Variants in NFATC3 observed in about 807,000 individuals in gnomAD.
The protein encoded by NFATC3 is nuclear factor of activated T-cells, cytoplasmic 3.
A neutral mutation model predicts 98.6 loss-of-function variants in NFATC3; 46 were observed. The observed-to-expected ratio is 0.47, with a 90% CI of 0.37 to 0.60. The LOEUF (loss-of-function observed/expected upper bound fraction) is 0.60. Among genes scored for constraint, NFATC3 ranks in the 20% least tolerant of loss-of-function variants. The pLI, the probability that NFATC3 is intolerant of heterozygous loss-of-function variation, is 0.00. For synonymous variants in NFATC3, 512 were observed against 472.2 expected, an observed-to-expected ratio of 1.08 and a Z score of -1.09; for missense variants, 1,256 against 1,295.5, an observed-to-expected ratio of 0.97 and a Z score of 0.47.
chr16:68,166,995 C>G lies in NFATC3; in HGVS notation c.1754C>G (p.Ala585Gly). The G allele has an allele frequency of 6.2e-7, 1 of 1,613,596 alleles. No individual in the cohort carries two copies. The highest frequency in any genetic ancestry group is 2.2e-5 in the East Asian group (1 of 44,868). Residue 585 changes from alanine to glycine, a missense_variant, in exon 5 of 10, where the codon GCC (alanine) becomes GGC (glycine). This residue lies in a region of NFATC3 where 636 missense variants were observed against 617.3 expected (regional missense o/e 1.03). Transcript: ENST00000346183. ...GGAAAAGTCCTTTCTCTGCAGATAGCCTCTATACCCGTTGAGTGCTGTAAG... is the reference window on the plus strand; with the variant it reads ...GGAAAAGTCCTTTCTCTGCAGATAGGCTCTATACCCGTTGAGTGCTGTAAG... ...PSGKVLSLQI[A>G]SIPVECSQRS...
chr16:68,172,861 A>G (rs567368690), intron 5 of NFATC3, among the ~76,000 whole-genome samples: 17 of 152,310 alleles, frequency 1.1e-4, no homozygotes, highest in Middle Eastern at 3.4e-3. Flanking sequence ...TCAAGCAATT[A>G]AAAGAAAGAA....
rs139620339 is a variant in NFATC3, at chr16:68,110,378, G to T, written c.104-11609G>T. ...GGCTGGAGTACAGTGGCCCAATCTCGGCTCACTGTAAGCTCCGCCTCCCGG... is the reference window on the plus strand; with the variant it reads ...GGCTGGAGTACAGTGGCCCAATCTCTGCTCACTGTAAGCTCCGCCTCCCGG... On this transcript the variant is annotated intron_variant, in intron 1 of 9. Coordinates refer to ENST00000346183, the MANE Select transcript of NFATC3 (RefSeq NM_173165.3). Among the ~76,000 whole-genome samples the T allele has an allele frequency of 5.1e-3, 751 of 147,636 alleles. 6 individuals are homozygous for T. Among genetic ancestry groups the T allele is most frequent in the African/African-American group, 0.017 (689 of 39,902 alleles).
At chr16:68,165,938 A>G (rs1235653357) in intron 4 of NFATC3, among the ~76,000 whole-genome samples, 2 of 152,258 alleles carry the variant, frequency 1.3e-5, no homozygotes, top group Non-Finnish European at 2.9e-5. Context: ...TCCTGCCACA[A>G]TAGTGTGTTA....
intron 3 of NFATC3, among the ~76,000 whole-genome samples, chr16:68,154,261 C>T (rs975150108): frequency 6.6e-6 from 1 of 152,128 alleles, no homozygotes; most frequent in African/African-American, 2.4e-5. Context: ...CTCCTGGGTA[C>T]TGAAGCTCAG....
chr16:68,167,076 C>A, intron 5 of NFATC3, 61 bp downstream of exon 5: 1 of 1,531,224 alleles, frequency 6.5e-7, no homozygotes, highest in Admixed American at 1.9e-5. Flanking sequence ...TTCTGTTTTA[C>A]TTATAATGTA....
In NFATC3 at chr16:68,152,726, A is replaced by T. The variant is rs190148684; in HGVS notation, c.1402-5143A>T. Among the ~76,000 whole-genome samples the T allele has an allele frequency of 4.1e-4, 63 of 152,260 alleles. 1 individual carries two copies. Among genetic ancestry groups the T allele is most frequent in the Non-Finnish European group, 1.6e-4 (11 of 68,014 alleles). ...TGTGAACTAGGAGTGGTTTTTATAC[A>T]TTTTTACATGGGTGGAGAAAAAATC... On this transcript the variant is annotated intron_variant, in intron 3 of 9. Coordinates refer to ENST00000346183, the MANE Select transcript of NFATC3 (RefSeq NM_173165.3).
Position 68,183,223 on chromosome 16 carries a change from T to G in NFATC3, c.1972-17T>G. The G allele has an allele frequency of 6.4e-7, 1 of 1,564,084 alleles. No individual in the cohort carries two copies. The highest frequency in any genetic ancestry group is 1.2e-5 in the South Asian group (1 of 81,000). ...TTTTAGTTCTGAGTGTAACACAATC[T>G]TGCTTTCCATCCTTAGGCTCACATT... On this transcript the variant is annotated splice_polypyrimidine_tract_variant and intron_variant, in intron 7 of 9. Transcript: ENST00000346183.
chr16:68,184,401 A>G (rs1307524624), intron 8 of NFATC3, among the ~76,000 whole-genome samples: 1 of 152,246 alleles, frequency 6.6e-6, no homozygotes, highest in Non-Finnish European at 1.5e-5. Context: ...GAGCTTCCAT[A>G]TGATAGCTTT....
intron 9 of NFATC3, among the ~76,000 whole-genome samples, chr16:68,206,755 G>A (rs2151147262): frequency 6.6e-6 from 1 of 152,224 alleles, no homozygotes; most frequent in Admixed American, 6.5e-5. Flanking sequence ...AGCTGAGGTG[G>A]GTGGATTGCC....
chr16:68,162,319 A>G (rs1196924924), intron 4 of NFATC3, among the ~76,000 whole-genome samples: 1 of 152,230 alleles, frequency 6.6e-6, no homozygotes, highest in East Asian at 1.9e-4. Flanking sequence ...GCTAATTGCT[A>G]GGATAAACTA....
chr16:68,142,074 A>G lies in NFATC3; in HGVS notation c.1401+15464A>G, dbSNP rs59749360. 3.4e-3 allele frequency among the ~76,000 whole-genome samples: 510 copies of G among 151,934 alleles called. 5 individuals carry two copies. The highest frequency in any genetic ancestry group is 0.012 in the African/African-American group (479 of 41,476). Reference sequence around the variant, plus strand: ...TATTGAATAGGGTATCCTTTTTTCAATTTATGTTTTTGTATGCTTTGTCAA... The same window carrying G: ...TATTGAATAGGGTATCCTTTTTTCAGTTTATGTTTTTGTATGCTTTGTCAA... On this transcript the variant is annotated intron_variant, in intron 3 of 9. Transcript: ENST00000346183.
chr16:68,209,867 ACT>A (rs200021541), intron 9 of NFATC3: 212 of 283,474 alleles, frequency 7.5e-4, no homozygotes, highest in Non-Finnish European at 1.3e-3. Flanking sequence ...ACACACACAC[ACT>A]CACAGTCACA....
Position 68,181,458 on chromosome 16 carries a change from ACT to A in NFATC3, c.1916-14_1916-13del. The A allele has an allele frequency of 6.2e-7, 1 of 1,601,630 alleles. No individual in the cohort carries two copies. Among genetic ancestry groups the A allele is most frequent in the Non-Finnish European group, 8.5e-7 (1 of 1,169,766 alleles). ...TGATATGAATTGCTTTTAACTATAA[ACT>A]CTTTCTTTCAATAGATGGACGACCT... On this transcript the variant is annotated splice_polypyrimidine_tract_variant and intron_variant, in intron 6 of 9. Coordinates refer to ENST00000346183, the MANE Select transcript of NFATC3 (RefSeq NM_173165.3).
chr16:68,124,380 A>G (rs1022977650), intron 2 of NFATC3, among the ~76,000 whole-genome samples: 12 of 150,962 alleles, frequency 7.9e-5, no homozygotes, highest in Non-Finnish European at 1.5e-4. Flanking sequence ...GCAAAGTGCC[A>G]GGATTACAGG....
At chr16:68,193,136 C>G (rs1463164642) in intron 9 of NFATC3, among the ~76,000 whole-genome samples, 1 of 151,740 alleles carries the variant, frequency 6.6e-6, no homozygotes, top group Non-Finnish European at 1.5e-5. Context: ...TACAACTGTT[C>G]CCATTAGCAT....
At chr16:68,104,430 G>C (rs1008949726) in intron 1 of NFATC3, among the ~76,000 whole-genome samples, 1 of 152,018 alleles carries the variant, frequency 6.6e-6, no homozygotes, top group African/African-American at 2.4e-5. Flanking sequence ...TAGAACTTAT[G>C]GGTTTTACTT....
At chr16:68,139,439 C>T (rs897365862) in intron 3 of NFATC3, among the ~76,000 whole-genome samples, 1 of 152,160 alleles carries the variant, frequency 6.6e-6, no homozygotes, top group African/African-American at 2.4e-5. Flanking sequence ...TCTACATTGG[C>T]ATCCTAGAAT....
At chr16:68,090,725 G>A (rs544449274) in intron 1 of NFATC3, among the ~76,000 whole-genome samples, 1 of 152,146 alleles carries the variant, frequency 6.6e-6, no homozygotes, top group Non-Finnish European at 1.5e-5. Flanking sequence ...AGTATGAAAA[G>A]GAGGAAGTTG....
chr16:68,211,840 G>T (rs551268085), intron 9 of NFATC3, among the ~76,000 whole-genome samples: 11 of 152,282 alleles, frequency 7.2e-5, no homozygotes, highest in Middle Eastern at 6.8e-3. Context: ...TAAATGTTTG[G>T]TCAAAGTTCT....
Sources: allele counts gnomAD v4.1 joint callset (sites outside exome capture counted in the v4.1 genomes callset), GRCh38; gene constraint gnomAD v4.1.1; regional missense constraint gnomAD v4.1.1; transcripts MANE v1.5; gene names NCBI Gene and HGNC (gene_info 2026-07-23, HGNC 2026-07-21).